RP1: variants seen among roughly 807,000 people sequenced by gnomAD.
RP1 encodes the protein oxygen-regulated protein 1.
RP1 carries 16 observed loss-of-function variants against 14.8 expected under a neutral mutation model. That is an observed-to-expected ratio of 1.08 (90% CI 0.73 to 1.65). RP1 has a LOEUF of 1.65. Ranked by LOEUF, RP1 falls within the 40% of genes most tolerant of loss-of-function variation. The pLI, the probability that RP1 is intolerant of heterozygous loss-of-function variation, is 0.00. For missense variants in RP1, 2,631 were observed against 2,535.0 expected (o/e 1.04, Z -0.81); for synonymous variants, 876 against 883.6 (o/e 0.99, Z 0.15).
chr8:54,763,555 C>T (rs1230060882), intron 22 of RP1, among the ~76,000 whole-genome samples: 1 of 152,140 alleles, frequency 6.6e-6, no homozygotes, highest in Non-Finnish European at 1.5e-5. Context: ...TGGTGCATGC[C>T]TGTAATCCCA....
intron 7 of RP1, among the ~76,000 whole-genome samples, chr8:54,670,320 A>C (rs1436429968): frequency 1.3e-5 from 2 of 150,554 alleles, no homozygotes; most frequent in Admixed American, 6.6e-5. Context: ...CTTTTGTTTC[A>C]TTTTTCTATC....
intron 21 of RP1, among the ~76,000 whole-genome samples, chr8:54,758,539 T>G (rs1452096245): frequency 6.6e-6 from 1 of 152,118 alleles, no homozygotes; most frequent in Non-Finnish European, 1.5e-5. Flanking sequence ...AGCATATCAG[T>G]ACTCATAGAA....
At position 54,736,324 on chromosome 8, in the gene RP1, G is replaced by C. The variant is rs115433338; in HGVS notation, c.2721+1580G>C. 2.8e-3 allele frequency among the ~76,000 whole-genome samples: 430 copies of C among 152,204 alleles called. 1 individual carries two copies. The highest frequency in any genetic ancestry group is 9.6e-3 in the African/African-American group (399 of 41,526). On this transcript the variant is annotated intron_variant, in intron 18 of 22. Transcript: ENST00000636932. ...TAAAAAAGGAATCCTATTGACATACGGTAAAACTCATAAACTGGTTAAGAA... is the reference window on the plus strand; with the variant it reads ...TAAAAAAGGAATCCTATTGACATACCGTAAAACTCATAAACTGGTTAAGAA...
Position 54,622,214 on chromosome 8 carries a change from T to A in RP1, c.713T>A (p.Leu238Ter). 1 of 1,614,170 alleles carries A rather than the reference T, an allele frequency of 6.2e-7. No individual in the cohort carries two copies. Among genetic ancestry groups the A allele is most frequent in the Non-Finnish European group, 8.5e-7 (1 of 1,180,010 alleles). Residue 238 changes from leucine (L) to a stop codon, truncating the protein, a stop_gained, in exon 3 of 4, where the codon TTG (leucine) becomes TAG (stop). Coordinates refer to ENST00000220676, the MANE Select transcript of RP1 (RefSeq NM_006269.2). LOFTEE classifies it high-confidence loss of function. Reference sequence around the variant, plus strand: ...GGAAATTATGACATCCAAAAATACTTGCTTCCTGCTAGATTACCAGGGATC... The same window carrying A: ...GGAAATTATGACATCCAAAAATACTAGCTTCCTGCTAGATTACCAGGGATC... ...KPGNYDIQKY[L>*]LPARLPGISQ...
At chr8:54,834,041 A>C (rs548605728) in intron 24 of RP1, among the ~76,000 whole-genome samples, 1 of 152,234 alleles carries the variant, frequency 6.6e-6, no homozygotes, top group South Asian at 2.1e-4. Context: ...GGTAAAGAAA[A>C]GAAAGACAGA....
chr8:54,731,387 T>G (rs1808790899), intron 17 of RP1, among the ~76,000 whole-genome samples: 1 of 152,092 alleles, frequency 6.6e-6, no homozygotes, highest in African/African-American at 2.4e-5. Context: ...TAATCCAGGG[T>G]CCCCATTAAA....
chr8:54,632,783 T>C (rs1806273805), downstream of RP1, among the ~76,000 whole-genome samples: 1 of 152,218 alleles, frequency 6.6e-6, no homozygotes, highest in Non-Finnish European at 1.5e-5. Context: ...GCAAGATTTA[T>C]ATTTAAAAAA....
At chr8:54,659,436 A>AT (rs1317309787) in intron 6 of RP1, among the ~76,000 whole-genome samples, 3 of 151,984 alleles carry the variant, frequency 2.0e-5, no homozygotes, top group Non-Finnish European at 4.4e-5. Context: ...TTATTTATTT[A>AT]TTTTTTTGCA....
At chr8:54,856,290 GA>G (rs542889074) in intron 26 of RP1, among the ~76,000 whole-genome samples, 26 of 152,130 alleles carry the variant, frequency 1.7e-4, no homozygotes, top group Non-Finnish European at 3.1e-4. Context: ...ATCGTTTGGG[GA>G]GACAGTGACT....
intron 12 of RP1, among the ~76,000 whole-genome samples, chr8:54,688,341 CT>C (rs781384394): frequency 1.7e-4 from 26 of 151,934 alleles, no homozygotes; most frequent in Non-Finnish European, 3.7e-4. Context: ...TCTATTTTGG[CT>C]TTTGTTGCCA....
intron 17 of RP1, among the ~76,000 whole-genome samples, chr8:54,729,279 T>A (rs1808735182): frequency 6.6e-6 from 1 of 152,196 alleles, no homozygotes; most frequent in Non-Finnish European, 1.5e-5. Context: ...AACAGTGCAG[T>A]GCAGCCATCC....
At chr8:54,789,353 G>T (rs1307298031) in intron 24 of RP1, among the ~76,000 whole-genome samples, 1 of 152,164 alleles carries the variant, frequency 6.6e-6, no homozygotes, top group Admixed American at 6.5e-5. Context: ...CTAACTTACA[G>T]CCCTGCCTGA....
At chr8:54,834,690 G>A (rs1368063662) in intron 24 of RP1, among the ~76,000 whole-genome samples, 1 of 147,252 alleles carries the variant, frequency 6.8e-6, no homozygotes, top group African/African-American at 2.5e-5. Context: ...TTTTTTTCCT[G>A]TGGTGTTGCT....
chr8:54,715,314 T>A (rs1043661538), intron 15 of RP1, among the ~76,000 whole-genome samples: 1 of 152,236 alleles, frequency 6.6e-6, no homozygotes, highest in Non-Finnish European at 1.5e-5. Flanking sequence ...TCAGAACTCA[T>A]GTTTTATTTC....
At chr8:54,575,438 TG>T (rs1351281203) in intron 1 of RP1, among the ~76,000 whole-genome samples, 6 of 152,170 alleles carry the variant, frequency 3.9e-5, no homozygotes, top group Non-Finnish European at 8.8e-5. Flanking sequence ...TATATATTTA[TG>T]GGGTACATAT....
At position 54,604,092 on chromosome 8, in the gene RP1, G is replaced by C. The variant is rs1355668242; in HGVS notation, c.-12-16863G>C. Among the ~76,000 whole-genome samples the C allele has an allele frequency of 2.0e-5, 3 of 152,312 alleles. No individual in the cohort carries two copies. The East Asian group carries it at 5.8e-4, about 29-fold the overall frequency. ...ACACTATGTTGAATAGGAGTGGTGA[G>C]AGAGGGCATCCCTGTCTTGTGCCAG... is the stretch of plus-strand genomic sequence containing the variant. On this transcript the variant is annotated intron_variant, in intron 1 of 22. Transcript: ENST00000636932.
Position 54,827,837 on chromosome 8 carries a change from G to A in RP1, c.3616-9613G>A, listed in dbSNP as rs1181640242. Among the ~76,000 whole-genome samples the A allele has an allele frequency of 2.6e-5, 4 of 151,860 alleles. No individual in the cohort carries two copies. In the East Asian group the frequency reaches 7.7e-4, roughly 29 times the overall value. The stretch of plus-strand genomic sequence containing the variant: ...TGCTTGAACCGGGAAGGCGGAGGTA[G>A]CAGTAAGCTGAGATCACACCACTGC... On this transcript the variant is annotated intron_variant, in intron 24 of 28. Coordinates refer to the RP1 transcript ENST00000637698.
At chr8:54,726,570 A>G in intron 17 of RP1, 1 of 1,356,036 alleles carries the variant, frequency 7.4e-7, no homozygotes, top group Admixed American at 2.8e-5. Context: ...TTATTTTTAC[A>G]GCATATATTA....
chr8:54,686,142 A>G (rs1264407789), intron 12 of RP1, among the ~76,000 whole-genome samples: 1 of 152,220 alleles, frequency 6.6e-6, no homozygotes. Context: ...GGAGGATAAT[A>G]TGAGTAATTT....
Sources: allele counts gnomAD v4.1 joint callset (sites outside exome capture counted in the v4.1 genomes callset), GRCh38; gene constraint gnomAD v4.1.1; transcripts MANE v1.5; gene names NCBI Gene and HGNC (gene_info 2026-07-23, HGNC 2026-07-21).